The following UBE2E2 variants were observed in gnomAD, a reference collection of about 807,000 sequenced individuals.
UBE2E2 encodes the protein ubiquitin conjugating enzyme E2 E2.
Under a neutral mutation model 24.7 loss-of-function variants are expected in UBE2E2, and 6 were observed. That is an observed-to-expected ratio of 0.24 (90% CI 0.13 to 0.48). The LOEUF (loss-of-function observed/expected upper bound fraction) is 0.48, where lower values mean the gene tolerates loss of function less well. Among genes scored for constraint, UBE2E2 ranks in the 20% least tolerant of loss-of-function variants. UBE2E2 has a pLI of 0.99. For synonymous variants in UBE2E2, 104 were observed against 83.6 expected (o/e 1.24, Z -1.33); for missense variants, 169 against 245.0 (o/e 0.69, Z 2.07).
At chr3:23,302,857 C>T (rs1699135907) in intron 3 of UBE2E2, among the ~76,000 whole-genome samples, 1 of 152,170 alleles carries the variant, frequency 6.6e-6, no homozygotes, top group South Asian at 2.1e-4. Flanking sequence ...GACTGCTGAT[C>T]CCTGTTCTAG....
rs1696725153 is a variant in UBE2E2, at chr3:23,590,005, T to G, written c.*174T>G. 1 of 556,202 alleles carries G rather than the reference T, an allele frequency of 1.8e-6. No individual in the cohort carries two copies. The highest frequency in any genetic ancestry group is 1.9e-5 in the African/African-American group (1 of 52,996). The allele number at this position is 556,202 out of a possible 1,614,324, so 34.5% of individuals were successfully genotyped here. A position where few individuals can be genotyped will look rare whatever the true frequency, so the allele number is the denominator to read the frequency against. Reference sequence around the variant, plus strand: ...CCATCCCAGTTCTTCCTGCCCCCCTTCCTCTCTCCCACGCTCTCTTTTATC... The same window carrying G: ...CCATCCCAGTTCTTCCTGCCCCCCTGCCTCTCTCCCACGCTCTCTTTTATC... On this transcript the variant is annotated 3_prime_UTR_variant, in exon 6 of 6. Transcript: ENST00000396703.
intron 3 of UBE2E2, among the ~76,000 whole-genome samples, chr3:23,408,998 A>G (rs1008372743): frequency 1.3e-5 from 2 of 151,698 alleles, no homozygotes; most frequent in African/African-American, 4.8e-5. Context: ...ACAGTATCCA[A>G]AGCAGATTAT....
chr3:23,246,991 A>G (rs1211208122), intron 3 of UBE2E2, among the ~76,000 whole-genome samples: 1 of 152,128 alleles, frequency 6.6e-6, no homozygotes, highest in Non-Finnish European at 1.5e-5. Flanking sequence ...CTTGGGCTAC[A>G]TGTGTGTGTT....
intron 3 of UBE2E2, among the ~76,000 whole-genome samples, chr3:23,333,508 G>GTTT (rs1695123156): frequency 6.6e-6 from 1 of 152,150 alleles, no homozygotes; most frequent in African/African-American, 2.4e-5. Flanking sequence ...GTACTCCTAG[G>GTTT]AGACAGATTT....
intron 5 of UBE2E2, among the ~76,000 whole-genome samples, chr3:23,577,924 GGAA>G (rs1010397003): frequency 1.3e-5 from 2 of 151,576 alleles, no homozygotes; most frequent in African/African-American, 4.9e-5. Flanking sequence ...CTCTCTGAGT[GGAA>G]GAACAAAGCC....
intron 3 of UBE2E2, among the ~76,000 whole-genome samples, chr3:23,290,494 A>T (rs1356803647): frequency 6.6e-6 from 1 of 151,530 alleles, no homozygotes; most frequent in Non-Finnish European, 1.5e-5. Flanking sequence ...TTTAATTTTT[A>T]TTTTTTTGAA....
At chr3:23,457,965 G>T (rs1349797724) in intron 3 of UBE2E2, among the ~76,000 whole-genome samples, 2 of 152,128 alleles carry the variant, frequency 1.3e-5, no homozygotes, top group Non-Finnish European at 2.9e-5. Context: ...CAGCAATAAA[G>T]CTCTTTCACT....
intron 3 of UBE2E2, among the ~76,000 whole-genome samples, chr3:23,343,489 T>A (rs1409347502): frequency 6.6e-6 from 1 of 152,034 alleles, no homozygotes; most frequent in African/African-American, 2.4e-5. Flanking sequence ...GGCAGGAGAA[T>A]CGCTTGAACC....
At chr3:23,352,621 C>G (rs1695789630) in intron 3 of UBE2E2, among the ~76,000 whole-genome samples, 2 of 152,192 alleles carry the variant, frequency 1.3e-5, no homozygotes, top group South Asian at 4.1e-4. Flanking sequence ...CGCAAATAAA[C>G]TAGAAAATCT....
At chr3:23,239,352 C>T (rs753811899) in intron 3 of UBE2E2, among the ~76,000 whole-genome samples, 15 of 152,254 alleles carry the variant, frequency 9.9e-5, no homozygotes, top group Non-Finnish European at 1.8e-4. Flanking sequence ...GTACTCACAA[C>T]GTTGTGCAAC....
intron 3 of UBE2E2, among the ~76,000 whole-genome samples, chr3:23,297,143 T>C (rs1171910292): frequency 6.6e-6 from 1 of 152,182 alleles, no homozygotes; most frequent in Non-Finnish European, 1.5e-5. Flanking sequence ...TTCACCCACT[T>C]TTTGATGGGG....
At chr3:23,348,691 T>A (rs181829146) in intron 3 of UBE2E2, among the ~76,000 whole-genome samples, 112 of 152,252 alleles carry the variant, frequency 7.4e-4, no homozygotes, top group Non-Finnish European at 1.3e-3. Flanking sequence ...GAATGATACC[T>A]GGGCCCTGAG....
At chr3:23,357,222 T>C (rs1206392580) in intron 3 of UBE2E2, among the ~76,000 whole-genome samples, 1 of 152,180 alleles carries the variant, frequency 6.6e-6, no homozygotes, top group African/African-American at 2.4e-5. Context: ...TACACCTTAT[T>C]TGGGCAGTGT....
chr3:23,531,587 G>A (rs546445170), intron 4 of UBE2E2, among the ~76,000 whole-genome samples: 5 of 152,184 alleles, frequency 3.3e-5, no homozygotes, highest in Non-Finnish European at 4.4e-5. Context: ...ACAGGGCAAA[G>A]GTAGGATGCA....
chr3:23,400,360 G>A (rs1401201024), intron 3 of UBE2E2, among the ~76,000 whole-genome samples: 2 of 152,088 alleles, frequency 1.3e-5, no homozygotes, highest in Non-Finnish European at 2.9e-5. Flanking sequence ...TTTTGAGTTG[G>A]GGTCTTTCTA....
chr3:23,579,235 A>G (rs553114793), intron 5 of UBE2E2, among the ~76,000 whole-genome samples: 1 of 152,234 alleles, frequency 6.6e-6, no homozygotes, highest in East Asian at 1.9e-4. Flanking sequence ...AATACAAAAA[A>G]TTAGCCAGGC....
At chr3:23,387,409 G>A (rs189093960) in intron 3 of UBE2E2, among the ~76,000 whole-genome samples, 106 of 152,272 alleles carry the variant, frequency 7.0e-4, no homozygotes, top group African/African-American at 2.5e-3. Flanking sequence ...TATTGTGTCT[G>A]TAAAAACCAA....
intron 3 of UBE2E2, among the ~76,000 whole-genome samples, chr3:23,443,293 G>C (rs572835869): frequency 6.6e-6 from 1 of 152,266 alleles, no homozygotes; most frequent in South Asian, 2.1e-4. Context: ...AAGAAGAGCC[G>C]GAAGCAGAGC....
chr3:23,526,466 G>A (rs1695001488), intron 4 of UBE2E2, among the ~76,000 whole-genome samples: 1 of 152,194 alleles, frequency 6.6e-6, no homozygotes, highest in Non-Finnish European at 1.5e-5. Context: ...GTTAGCATTT[G>A]TTCAACAAAC....
Sources: allele counts gnomAD v4.1 joint callset (sites outside exome capture counted in the v4.1 genomes callset), GRCh38; gene constraint gnomAD v4.1.1; transcripts MANE v1.5; gene names NCBI Gene and HGNC (gene_info 2026-07-23, HGNC 2026-07-21).